The following USP6 variants were observed in gnomAD, a reference collection of about 807,000 sequenced individuals.
USP6 encodes ubiquitin specific peptidase 6.
In USP6, 128 loss-of-function variants were observed where a neutral mutation model predicts 175.7. The ratio of observed to expected loss-of-function variants is 0.73; its 90% CI spans 0.63 to 0.84. USP6 has a LOEUF of 0.84. USP6 is among the 40% of genes least tolerant of loss of function. The pLI, the probability that USP6 is intolerant of heterozygous loss-of-function variation, is 0.00. For synonymous variants in USP6, 562 were observed against 630.6 expected, an observed-to-expected ratio of 0.89 and a Z score of 1.63; for missense variants, 1,498 against 1,760.3, an observed-to-expected ratio of 0.85 and a Z score of 2.67.
chr17:5,151,237 G>A (rs759022261), intron 30 of USP6, among the ~76,000 whole-genome samples: 8 of 151,538 alleles, frequency 5.3e-5, no homozygotes, highest in Non-Finnish European at 7.4e-5. Flanking sequence ...TAAGTACCTA[G>A]GAATAAACTT....
At chr17:5,141,586 G>T in intron 23 of USP6, 87 bp downstream of exon 23, 6 of 1,245,296 alleles carry the variant, frequency 4.8e-6, no homozygotes, top group Non-Finnish European at 6.5e-6. Context: ...ACAACTTTTG[G>T]TTTTCTAGTT....
At position 5,132,387 on chromosome 17, in the gene USP6, G is replaced by T. The variant is rs1167134461; in HGVS notation, c.156-9G>T. 1 of 1,612,226 alleles carries T rather than the reference G, an allele frequency of 6.2e-7. No individual in the cohort carries two copies. Among genetic ancestry groups the T allele is most frequent in the Non-Finnish European group, 8.5e-7 (1 of 1,179,852 alleles). ...GCACGTCCTCAGCTCTGCCTGGGTT[G>T]CCTTACAGTGAGACGGAGCTGCCTC... On this transcript the variant is annotated splice_polypyrimidine_tract_variant and intron_variant, in intron 11 of 37. Transcript: ENST00000574788. This position sits in a 1 kb window ranked among gnomAD's most constrained non-coding sequence, Gnocchi z 4.7.
rs1598033940 is a variant in USP6, at chr17:5,142,102, A to G, written c.1673A>G (p.Gln558Arg). The change falls in exon 24 of 38, where the codon CAG becomes CGG. Residue 558 changes from glutamine to arginine, a missense_variant. By Grantham distance (43) the Gln-to-Arg change is conservative. Transcript: ENST00000574788. ...GTTAGTAACACACAGCCACTGACAC[A>G]GTATTTTATCTCAGGGAGACATCTT... is the stretch of plus-strand genomic sequence containing the variant. ...QCVSNTQPLTQYFISGRHLYE... is the reference protein window; with the variant it reads ...QCVSNTQPLTRYFISGRHLYE... 4 of 1,613,596 alleles carry G rather than the reference A, an allele frequency of 2.5e-6. No homozygotes were observed. The highest frequency in any genetic ancestry group is 1.3e-5 in the African/African-American group (1 of 74,926).
At position 5,144,747 on chromosome 17, in the gene USP6, G is replaced by A; in HGVS notation, c.1876G>A (p.Glu626Lys). 2 of 1,613,722 alleles carry A rather than the reference G, an allele frequency of 1.2e-6. No homozygotes were observed. The highest frequency in any genetic ancestry group is 1.1e-5 in the South Asian group (1 of 90,998). Residue 626 changes from glutamate to lysine, a missense_variant, in exon 26 of 38, where the codon GAA (glutamate) becomes AAA (lysine). Around this residue, in one of 2 missense-constraint regions of USP6, gnomAD observed 1,217 missense variants for 1,500.8 expected, o/e 0.81. Transcript: ENST00000574788. ...TGGGTTTCAGCAACAAGACTCCCAAGAACTTCTGGCTTTTCTCTTGGATGG... is the reference window on the plus strand; with the variant it reads ...TGGGTTTCAGCAACAAGACTCCCAAAAACTTCTGGCTTTTCTCTTGGATGG... ...FDGFQQQDSQ[E>K]LLAFLLDGLH...
At chr17:5,126,700 TTC>T (rs901244307) in intron 6 of USP6, 1 of 152,264 alleles carries the variant, frequency 6.6e-6, no homozygotes. Flanking sequence ...CCTTTTCCAG[TTC>T]TCTCTCTCTC....
chr17:5,124,393 C>T (rs1239130593), intron 4 of USP6, among the ~76,000 whole-genome samples, 173 bp from the exon 5 acceptor site: 1 of 152,196 alleles, frequency 6.6e-6, no homozygotes, highest in East Asian at 1.9e-4. Flanking sequence ...GCCTGGCTTT[C>T]CAGAAACAGA....
intron 30 of USP6, 123 bp from the exon 31 acceptor site, chr17:5,155,295 TAGAG>T (rs2073857133): frequency 1.7e-6 from 2 of 1,143,898 alleles, no homozygotes; most frequent in African/African-American, 1.6e-5. Context: ...TTTATAAACA[TAGAG>T]AAGAATGTGA....
At chr17:5,144,211 A>G (rs1303039834) in intron 25 of USP6, among the ~76,000 whole-genome samples, 1 of 152,028 alleles carries the variant, frequency 6.6e-6, no homozygotes, top group Admixed American at 6.6e-5. Flanking sequence ...ATTGTTGAAG[A>G]CAACATTACA....
At chr17:5,122,582 C>G (rs1458141108) in intron 4 of USP6, among the ~76,000 whole-genome samples, 1 of 152,226 alleles carries the variant, frequency 6.6e-6, no homozygotes, top group East Asian at 1.9e-4. Flanking sequence ...GGCCCCCTCC[C>G]CAGCCCAACC....
chr17:5,140,014 C>G, intron 22 of USP6, among the ~76,000 whole-genome samples: 1 of 151,998 alleles, frequency 6.6e-6, no homozygotes, highest in East Asian at 1.9e-4. Flanking sequence ...TGGAACACAC[C>G]AGCCCCCAGA....
chr17:5,156,767 G>A (rs1267579275), intron 31 of USP6, among the ~76,000 whole-genome samples: 1 of 148,848 alleles, frequency 6.7e-6, no homozygotes, highest in Non-Finnish European at 1.5e-5. Context: ...TTCTTAATTT[G>A]TCACCCAGGC....
At chr17:5,137,881 T>C (rs1233035426) in intron 20 of USP6, 131 bp downstream of exon 20, 48 of 1,562,922 alleles carry the variant, frequency 3.1e-5, no homozygotes, top group Non-Finnish European at 3.7e-5. Context: ...CCAGGTGGGC[T>C]GGGCAGGGCA....
chr17:5,146,661 A>G (rs1179091079), intron 28 of USP6, among the ~76,000 whole-genome samples: 1 of 152,224 alleles, frequency 6.6e-6, no homozygotes, highest in Non-Finnish European at 1.5e-5. Flanking sequence ...TGGGGAAACA[A>G]ATAATCTAAT....
In USP6 at chr17:5,155,603, A is replaced by G; in HGVS notation, c.2825A>G (p.Asp942Gly). 6.2e-7 allele frequency: 1 copy of G among 1,613,920 alleles called. No individual in the cohort carries two copies. Reference sequence around the variant, plus strand: ...CAGGAAGCTAGTATTCATGCCCAGGATCGGTGAGTTCAGGGGATCCATCTA... The same window carrying G: ...CAGGAAGCTAGTATTCATGCCCAGGGTCGGTGAGTTCAGGGGATCCATCTA... ...PPQEASIHAQ[D>G]RDNCMGYQYP... is the part of the protein sequence containing the mutation. The change falls in exon 31 of 38, where the codon GAT becomes GGT. Residue 942 changes from aspartate (D) to glycine (G), a missense_variant. Physicochemically the swap from Asp to Gly is moderately conservative, Grantham distance 94. This residue lies in a region of USP6 where 1,217 missense variants were observed against 1,500.8 expected (regional missense o/e 0.81). Coordinates refer to ENST00000574788, the MANE Select transcript of USP6 (RefSeq NM_001304284.2).
intron 11 of USP6, among the ~76,000 whole-genome samples, chr17:5,131,969 G>T (rs1349545538): frequency 5.3e-5 from 8 of 152,126 alleles, no homozygotes; most frequent in East Asian, 1.9e-4. Context: ...TACCGGGAAG[G>T]TCTCAGGGCA....
chr17:5,133,623 C>T (rs1228975042), intron 14 of USP6, 73 bp downstream of exon 14: 3 of 938,756 alleles, frequency 3.2e-6, no homozygotes, highest in Non-Finnish European at 5.0e-6. Context: ...GAGGGAACGT[C>T]AAGCCCACCC....
At position 5,149,731 on chromosome 17, in the gene USP6, C is replaced by T. The variant is rs1325947542; in HGVS notation, c.2643+964C>T. ...TCTTAGAGGACACAAGAATGTTCTT[C>T]GGCAAAATCAAGTTGTGCATAATTC... On this transcript the variant is annotated intron_variant, in intron 30 of 37. Coordinates refer to ENST00000574788, the MANE Select transcript of USP6 (RefSeq NM_001304284.2). Among the ~76,000 whole-genome samples, 9 of 151,182 alleles carry T rather than the reference C, an allele frequency of 6.0e-5. No individual in the cohort carries two copies. In the South Asian group the frequency reaches 6.2e-4, roughly 10 times the overall value.
At chr17:5,147,295 A>G in intron 29 of USP6, 101 bp downstream of exon 29, 1 of 1,317,426 alleles carries the variant, frequency 7.6e-7, no homozygotes, top group Admixed American at 2.9e-5. Flanking sequence ...ATGTTATAGC[A>G]GAAGAACTTT....
intron 30 of USP6, among the ~76,000 whole-genome samples, chr17:5,150,092 G>A (rs2073721918): frequency 6.6e-6 from 1 of 152,020 alleles, no homozygotes; most frequent in Non-Finnish European, 1.5e-5. Context: ...AAGAGTTTGA[G>A]ACCAGCCTGG....
Sources: allele counts gnomAD v4.1 joint callset (sites outside exome capture counted in the v4.1 genomes callset), GRCh38; gene constraint gnomAD v4.1.1; regional missense constraint gnomAD v4.1.1; non-coding constraint Gnocchi (gnomAD v3.1); transcripts MANE v1.5; gene names NCBI Gene and HGNC (gene_info 2026-07-23, HGNC 2026-07-21).